BMERB1: variants seen among roughly 807,000 people sequenced by gnomAD.
BMERB1 encodes bMERB domain containing 1, also known as bMERB domain-containing protein 1.
A neutral mutation model predicts 23.6 loss-of-function variants in BMERB1; 12 were observed. The ratio of observed to expected loss-of-function variants is 0.51; its 90% CI spans 0.33 to 0.82. The LOEUF is 0.82. BMERB1 is among the 40% of genes least tolerant of loss of function. BMERB1 has a pLI of 0.03. For synonymous variants in BMERB1, 122 were observed against 96.6 expected, an observed-to-expected ratio of 1.26 and a Z score of -1.54; for missense variants, 247 against 255.4, an observed-to-expected ratio of 0.97 and a Z score of 0.22.
chr16:15,507,610 C>A (rs901684629), intron 1 of BMERB1, among the ~76,000 whole-genome samples: 2 of 152,200 alleles, frequency 1.3e-5, no homozygotes, highest in African/African-American at 4.8e-5. Flanking sequence ...CCTCCCGTTT[C>A]TTCCCGTGAT....
At chr16:15,586,675 G>A (rs376695779) in intron 5 of BMERB1, 42 bp from the exon 6 acceptor site, 1 of 1,498,606 alleles carries the variant, frequency 6.7e-7, no homozygotes, top group Non-Finnish European at 9.1e-7. Context: ...CTCTCTCTCT[G>A]TTCCTTTCTC....
At chr16:15,466,135 T>C (rs2051178104) in intron 1 of BMERB1, among the ~76,000 whole-genome samples, 1 of 152,188 alleles carries the variant, frequency 6.6e-6, no homozygotes. Flanking sequence ...ATGCACATAC[T>C]AAACTTCAGT....
intron 5 of BMERB1, among the ~76,000 whole-genome samples, chr16:15,585,667 TAA>T (rs2031123062): frequency 6.6e-6 from 1 of 152,076 alleles, no homozygotes; most frequent in Admixed American, 6.6e-5. Flanking sequence ...TTGTCTCTGC[TAA>T]AAGTACAAAA....
At chr16:15,518,487 A>T (rs376433116) in intron 2 of BMERB1, among the ~76,000 whole-genome samples, 104 of 152,286 alleles carry the variant, frequency 6.8e-4, no homozygotes, top group Non-Finnish European at 1.0e-3. Flanking sequence ...CACTAAGGCA[A>T]CCAGGACAAA....
intron 2 of BMERB1, among the ~76,000 whole-genome samples, chr16:15,519,769 A>G (rs2051826885): frequency 6.6e-6 from 1 of 151,996 alleles, no homozygotes; most frequent in Non-Finnish European, 1.5e-5. Flanking sequence ...AGATTATTTC[A>G]TGGGCTTCCT....
intron 5 of BMERB1, chr16:15,583,984 CAG>C (rs1200532890): frequency 2.9e-6 from 2 of 701,748 alleles, no homozygotes; most frequent in Non-Finnish European, 5.2e-6. Flanking sequence ...TACTGAGGCT[CAG>C]GGAGCTCTGG....
intron 1 of BMERB1, among the ~76,000 whole-genome samples, chr16:15,459,200 A>AG (rs1195337270): frequency 2.0e-5 from 3 of 152,168 alleles, no homozygotes; most frequent in African/African-American, 7.2e-5. Flanking sequence ...GCTATTAAAA[A>AG]GGAACAGACT....
intron 2 of BMERB1, among the ~76,000 whole-genome samples, chr16:15,541,532 T>C (rs1004610982): frequency 7.0e-6 from 1 of 142,226 alleles, no homozygotes; most frequent in Non-Finnish European, 1.5e-5. Flanking sequence ...GGAGTGAGCC[T>C]CCTGCTTCAG....
chr16:15,476,160 CTTTTT>C (rs55893889), intron 1 of BMERB1, among the ~76,000 whole-genome samples: 1 of 86,576 alleles, frequency 1.2e-5, no homozygotes. Flanking sequence ...ATGTCATTCA[CTTTTT>C]TTTTTTTTTT....
At chr16:15,519,731 G>A (rs527864610) in intron 2 of BMERB1, among the ~76,000 whole-genome samples, 1 of 152,166 alleles carries the variant, frequency 6.6e-6, no homozygotes, top group East Asian at 1.9e-4. Context: ...GCCTGCCCCA[G>A]CCCCAAAGCT....
At chr16:15,482,624 G>T (rs1039049116) in intron 1 of BMERB1, among the ~76,000 whole-genome samples, 2 of 152,128 alleles carry the variant, frequency 1.3e-5, no homozygotes, top group South Asian at 4.1e-4. Flanking sequence ...GCTACCTTCA[G>T]TTTCACATCT....
rs777730866 is a variant in BMERB1 at position 15,475,423 on chromosome 16, A to T, written c.107-39882A>T. Among the ~76,000 whole-genome samples the T allele has an allele frequency of 5.3e-4, 81 of 152,220 alleles. 1 individual carries two copies. Among genetic ancestry groups the T allele is most frequent in the Middle Eastern group, 3.4e-3 (1 of 294 alleles). On this transcript the variant is annotated intron_variant, in intron 1 of 5. Coordinates refer to ENST00000300006, the MANE Select transcript of BMERB1 (RefSeq NM_033201.3). The stretch of plus-strand genomic sequence containing the variant: ...ATGCTTTGCTAGAGGGACTCACAGA[A>T]CTCCCTGAAAGCTGTTGTACTCACA...
chr16:15,497,364 G>T (rs1438764928), intron 1 of BMERB1, among the ~76,000 whole-genome samples: 1 of 152,208 alleles, frequency 6.6e-6, no homozygotes, highest in Non-Finnish European at 1.5e-5. Flanking sequence ...TTGTCTGGAT[G>T]CTGTAATCTG....
chr16:15,435,518 G>A (rs943862160), intron 1 of BMERB1, among the ~76,000 whole-genome samples: 6 of 152,120 alleles, frequency 3.9e-5, no homozygotes, highest in Non-Finnish European at 7.4e-5. Flanking sequence ...TAGAGGCAGC[G>A]TCAGGGGCTC....
chr16:15,547,192 TG>T (rs1209200796), intron 2 of BMERB1, among the ~76,000 whole-genome samples: 2 of 151,598 alleles, frequency 1.3e-5, no homozygotes, highest in South Asian at 2.1e-4. Flanking sequence ...TTGTATTTTT[TG>T]TAGAGACATG....
chr16:15,556,825 C>T (rs1447495621), intron 2 of BMERB1, among the ~76,000 whole-genome samples: 1 of 152,162 alleles, frequency 6.6e-6, no homozygotes, highest in Admixed American at 6.6e-5. Context: ...ACCTCGTGAT[C>T]CGCCCTCCTC....
chr16:15,496,945 C>G (rs1200727023), intron 1 of BMERB1, among the ~76,000 whole-genome samples: 1 of 152,184 alleles, frequency 6.6e-6, no homozygotes, highest in South Asian at 2.1e-4. Flanking sequence ...CAGCCTTTCA[C>G]CATTCACCAT....
chr16:15,459,023 G>A (rs1598449952), intron 1 of BMERB1, among the ~76,000 whole-genome samples: 5 of 152,082 alleles, frequency 3.3e-5, no homozygotes, highest in African/African-American at 7.2e-5. Context: ...AAGGAGAATT[G>A]CTTGAACCTG....
chr16:15,550,562 T>G (rs2030060100), intron 2 of BMERB1, among the ~76,000 whole-genome samples: 1 of 147,214 alleles, frequency 6.8e-6, no homozygotes, highest in Non-Finnish European at 1.5e-5. Flanking sequence ...GATCTCAAAC[T>G]CCTGAGCTCA....
Sources: gnomAD v4.1 joint callset for allele counts (sites outside exome capture counted in the v4.1 genomes callset) on GRCh38, gnomAD v4.1.1 for gene constraint, MANE v1.5 for transcripts, NCBI Gene and HGNC (gene_info 2026-07-23, HGNC 2026-07-21) for gene names.